Variants in SRI observed in about 807,000 individuals in gnomAD.
SRI encodes 22 kDa protein.
Under a neutral mutation model 33.3 loss-of-function variants are expected in SRI, and 30 were observed. The observed-to-expected ratio is 0.90, with a 90% CI of 0.67 to 1.22. The LOEUF (loss-of-function observed/expected upper bound fraction) is 1.22. SRI is among the 50% of genes most tolerant of loss of function. SRI has a pLI of 0.00. For synonymous variants in SRI, 75 were observed against 89.9 expected (o/e 0.83, Z 0.94); for missense variants, 243 against 250.8 (o/e 0.97, Z 0.21).
At position 88,217,965 on chromosome 7, in the gene SRI, T is replaced by A. The variant is rs561998441; in HGVS notation, c.136-774A>T. Among the ~76,000 whole-genome samples, 3 of 152,354 alleles carry A rather than the reference T, an allele frequency of 2.0e-5. No individual in the cohort carries two copies. The East Asian group carries it at 5.8e-4, about 29-fold the overall frequency. ...GGTCTTCCAGTTTTAGACTATATTT[T>A]CCATTCAATTTCTTAAGCTGTATTT... On this transcript the variant is annotated intron_variant, in intron 2 of 7. Transcript: ENST00000265729.
intron 1 of SRI, among the ~76,000 whole-genome samples, chr7:88,225,143 C>T (rs1851968351): frequency 6.6e-6 from 1 of 152,208 alleles, no homozygotes; most frequent in Non-Finnish European, 1.5e-5. Context: ...TCCCATGTTC[C>T]TGTTCCTACA....
chr7:88,206,517 T>C lies in SRI; in HGVS notation c.571-13A>G, dbSNP rs757898322. The C allele has an allele frequency of 1.2e-6, 2 of 1,613,736 alleles. No individual in the cohort carries two copies. Among genetic ancestry groups the C allele is most frequent in the Non-Finnish European group, 1.7e-6 (2 of 1,179,836 alleles). ...CACATTGAATGAACTGAAAGAAAAA[T>C]CAGCATTATATGACAGACCTCAAAG... is the stretch of plus-strand genomic sequence containing the variant. On this transcript the variant is annotated splice_polypyrimidine_tract_variant and intron_variant, in intron 7 of 7. Coordinates refer to ENST00000265729, the MANE Select transcript of SRI (RefSeq NM_003130.4).
chr7:88,223,266 G>A (rs544704034), upstream of SRI, among the ~76,000 whole-genome samples: 6 of 152,146 alleles, frequency 3.9e-5, no homozygotes, highest in Middle Eastern at 3.4e-3. Flanking sequence ...GATCCTCATC[G>A]CATTTTACTT....
At chr7:88,220,078 C>CCCCTG (rs1406395787), upstream of SRI, 21 of 1,479,092 alleles carry the variant, frequency 1.4e-5, no homozygotes, top group South Asian at 2.7e-4. Context: ...GCCTCTCCGC[C>CCCCTG]CCCTGCCCCG....
chr7:88,206,563 T>G (rs1851443050), intron 7 of SRI, 59 bp from the exon 8 acceptor site: 1 of 1,599,324 alleles, frequency 6.3e-7, no homozygotes, highest in Non-Finnish European at 8.6e-7. Context: ...GCACAGCCTA[T>G]TTCTGGCAGC....
upstream of SRI, among the ~76,000 whole-genome samples, chr7:88,222,883 A>G (rs1851919958): frequency 1.3e-5 from 2 of 152,070 alleles, no homozygotes; most frequent in African/African-American, 4.8e-5. Flanking sequence ...GTTAGACCTA[A>G]AACCATAAAA....
intron 1 of SRI, among the ~76,000 whole-genome samples, chr7:88,225,237 T>C (rs1164292059): frequency 6.6e-6 from 1 of 152,226 alleles, no homozygotes; most frequent in Non-Finnish European, 1.5e-5. Context: ...GAAGCTGATG[T>C]TGGAGGAATT....
At position 88,206,416 on chromosome 7, in the gene SRI, A is replaced by AG. The variant is rs1851439991; in HGVS notation, c.*61dup. On this transcript the variant is annotated 3_prime_UTR_variant, in exon 8 of 8. Coordinates refer to ENST00000265729, the MANE Select transcript of SRI (RefSeq NM_003130.4). ...TTTATACATATTACCGAAGGCAAAGAGGACAAGCAAAGGAGAGCTCCAGTT... is the reference window on the plus strand; with the variant it reads ...TTTATACATATTACCGAAGGCAAAGAGGGACAAGCAAAGGAGAGCTCCAGTT... 1 of 1,595,650 alleles carries AG rather than the reference A, an allele frequency of 6.3e-7. No homozygotes were observed. The highest frequency in any genetic ancestry group is 1.7e-5 in the Admixed American group (1 of 59,970).
At chr7:88,214,096 A>G (rs1328482248) in intron 3 of SRI, among the ~76,000 whole-genome samples, 1 of 152,172 alleles carries the variant, frequency 6.6e-6, no homozygotes, top group Non-Finnish European at 1.5e-5. Flanking sequence ...GCCAGAAAGT[A>G]CCAGAAGGGA....
At chr7:88,217,309 G>A in intron 2 of SRI, 118 bp from the exon 3 acceptor site, 1 of 864,580 alleles carries the variant, frequency 1.2e-6, no homozygotes. Flanking sequence ...TTATTTAAAA[G>A]GAATGCCTTT....
At position 88,209,397 on chromosome 7, in the gene SRI, A is replaced by G; in HGVS notation, c.453T>C (p.Asn151=). The part of the protein sequence containing the change: ...VNSIAKRYST[N]GKITFDDYIA... ...TGTAGTCGTCGAAGGTGATCTTTCC[A>G]TTGGTGCTGTATCGTTTTGCAATTG... is the stretch of plus-strand genomic sequence containing the variant. The change falls in exon 6 of 8, where the codon AAT becomes AAC. Residue 151 remains asparagine, a synonymous_variant. Coordinates refer to ENST00000265729, the MANE Select transcript of SRI (RefSeq NM_003130.4). The G allele has an allele frequency of 6.2e-7, 1 of 1,614,118 alleles. No individual in the cohort carries two copies. Among genetic ancestry groups the G allele is most frequent in the Non-Finnish European group, 8.5e-7 (1 of 1,179,976 alleles).
At chr7:88,222,523 T>G (rs200002991), upstream of SRI, among the ~76,000 whole-genome samples, 185 of 151,966 alleles carry the variant, frequency 1.2e-3, 4 homozygotes, top group East Asian at 0.035. Flanking sequence ...TCGCCCACTT[T>G]TTGATGGGGT....
chr7:88,214,841 A>G, intron 3 of SRI: 1 of 1,251,238 alleles, frequency 8.0e-7, no homozygotes, highest in East Asian at 5.8e-5. Context: ...GAATGCCTCA[A>G]ACATCTTTTC....
At chr7:88,221,422 C>T (rs1010005150), upstream of SRI, among the ~76,000 whole-genome samples, 10 of 152,286 alleles carry the variant, frequency 6.6e-5, no homozygotes, top group Middle Eastern at 3.4e-3. Context: ...AGGTAGCAAT[C>T]ATCAAGGTAG....
In SRI at chr7:88,220,013, C is replaced by T. The variant is rs1021397530; in HGVS notation, c.14G>A (p.Gly5Glu). The change falls in exon 1 of 8, where the codon GGG (glycine) becomes GAG (glutamate). Residue 5 changes from glycine (G) to glutamate (E), a missense_variant. Physicochemically the swap from Gly to Glu is moderately conservative, Grantham distance 98 (BLOSUM62 -2). Transcript: ENST00000265729. The stretch of plus-strand genomic sequence containing the variant: ...GTACCCGCCGCCGGCGCCAGGATGC[C>T]CCGGGTACGCCATGCTGCAGACTGC... MAYP[G>E]HPGAGGGYYP... 6.5e-6 allele frequency: 10 copies of T among 1,533,708 alleles called. No homozygotes were observed. The highest frequency in any genetic ancestry group is 2.0e-5 in the Admixed American group (1 of 50,904).
At chr7:88,215,066 G>T (rs967354943) in intron 3 of SRI, 71 of 376,330 alleles carry the variant, frequency 1.9e-4, no homozygotes, top group Non-Finnish European at 3.4e-4. Context: ...TAGGCTCTGA[G>T]CTGGAGTATC....
upstream of SRI, among the ~76,000 whole-genome samples, chr7:88,221,812 A>G (rs1851894270): frequency 1.3e-5 from 2 of 148,796 alleles, no homozygotes; most frequent in Admixed American, 6.7e-5. Context: ...AGCATTAGGT[A>G]TATCTCCCAA....
chr7:88,220,205 GCTT>G (rs1851857186), upstream of SRI: 1 of 1,313,252 alleles, frequency 7.6e-7, no homozygotes, highest in Non-Finnish European at 9.6e-7. Context: ...CTGCCTGCGC[GCTT>G]CTTCGTATCT....
intron 3 of SRI, among the ~76,000 whole-genome samples, chr7:88,212,280 CT>C (rs1358695498): frequency 2.0e-5 from 3 of 152,196 alleles, no homozygotes; most frequent in African/African-American, 7.2e-5. Context: ...TATTTTGGTC[CT>C]TCAATCTCCA....
Sources: allele counts gnomAD v4.1 joint callset (sites outside exome capture counted in the v4.1 genomes callset), GRCh38; gene constraint gnomAD v4.1.1; transcripts MANE v1.5; gene names NCBI Gene and HGNC (gene_info 2026-07-23, HGNC 2026-07-21).